KCTD21: variants seen among roughly 807,000 people sequenced by gnomAD.
KCTD21 encodes the protein BTB/POZ domain-containing protein KCTD21.
KCTD21 carries 9 observed loss-of-function variants against 13.2 expected under a neutral mutation model. The observed-to-expected ratio is 0.68, with a 90% CI of 0.41 to 1.19. The LOEUF (loss-of-function observed/expected upper bound fraction) is 1.19, where lower values mean the gene tolerates loss of function less well. Among genes scored for constraint, KCTD21 ranks in the 50% most tolerant of loss-of-function variants. The pLI, the probability that KCTD21 is intolerant of heterozygous loss-of-function variation, is 0.01. For missense variants in KCTD21, 303 were observed against 336.5 expected, an observed-to-expected ratio of 0.90 and a Z score of 0.78; for synonymous variants, 142 against 137.4, an observed-to-expected ratio of 1.03 and a Z score of -0.23.
rs764967968 is a variant in KCTD21, at chr11:78,174,326, T to A, written c.229A>T (p.Met77Leu). The change falls in exon 2 of 2, where the codon ATG becomes TTG. Residue 77 changes from methionine (M) to leucine (L), a missense_variant. Physicochemically the swap from Met to Leu is conservative, Grantham distance 15. Coordinates refer to ENST00000340067, the MANE Select transcript of KCTD21 (RefSeq NM_001029859.3). ...HLDLPEDFQE[M>L]GLLRREADFY... Reference sequence around the variant, plus strand: ...TCGGCCTCCCTGCGGAGCAGCCCCATCTCCTGGAAGTCCTCAGGCAGGTCA... The same window carrying A: ...TCGGCCTCCCTGCGGAGCAGCCCCAACTCCTGGAAGTCCTCAGGCAGGTCA... 1 of 1,613,910 alleles carries A rather than the reference T, an allele frequency of 6.2e-7. No individual in the cohort carries two copies. Among genetic ancestry groups the A allele is most frequent in the East Asian group, 2.2e-5 (1 of 44,872 alleles).
intron 1 of KCTD21, among the ~76,000 whole-genome samples, chr11:78,181,565 T>G (rs576506720): frequency 2.6e-5 from 4 of 152,310 alleles, no homozygotes; most frequent in African/African-American, 9.6e-5. Context: ...AATATTCTAT[T>G]AGGTTGGCAC....
rs182795465 is a variant in KCTD21 at position 78,171,869 on chromosome 11, G to A, written c.*1903C>T. ...GATCTTCCCGCCTCGGCCTCCCAGAGTGTTGGGATTACAGGCATGAGCCAC... is the reference window on the plus strand; with the variant it reads ...GATCTTCCCGCCTCGGCCTCCCAGAATGTTGGGATTACAGGCATGAGCCAC... On this transcript the variant is annotated 3_prime_UTR_variant, in exon 2 of 2. Coordinates refer to ENST00000340067, the MANE Select transcript of KCTD21 (RefSeq NM_001029859.3). 7 of 152,474 alleles carry A rather than the reference G, an allele frequency of 4.6e-5. No individual in the cohort carries two copies. In the East Asian group the frequency reaches 1.4e-3, roughly 29 times the overall value. 9.4% of individuals were successfully genotyped at this position (152,474 alleles called of 1,614,324 possible).
intron 1 of KCTD21, among the ~76,000 whole-genome samples, chr11:78,186,025 G>C (rs1862753178): frequency 6.6e-6 from 1 of 152,056 alleles, no homozygotes; most frequent in Admixed American, 6.5e-5. Context: ...GACTCACTGT[G>C]AATGTTGACA....
At chr11:78,183,642 T>TC (rs1360212799) in intron 1 of KCTD21, among the ~76,000 whole-genome samples, 1 of 150,802 alleles carries the variant, frequency 6.6e-6, no homozygotes, top group East Asian at 1.9e-4. Context: ...ATTAATTCTT[T>TC]TTTTTTTTTT....
In KCTD21 at chr11:78,173,781, C is replaced by T. The variant is rs1243534915; in HGVS notation, c.774G>A (p.Arg258=). The change falls in exon 2 of 2, where the codon CGG becomes CGA. Residue 258 remains arginine, a synonymous_variant. Transcript: ENST00000340067. ...TGTTGTTGGGGTCCTTTTACCTGTA[C>T]CGTATTAATCGAATAATCTTATTGT... is the stretch of plus-strand genomic sequence containing the variant. ...FMNNKIIRLI[R]YR is the part of the protein sequence containing the mutation. 6.2e-7 allele frequency: 1 copy of T among 1,610,764 alleles called. No individual in the cohort carries two copies. The highest frequency in any genetic ancestry group is 2.2e-5 in the East Asian group (1 of 44,828).
chr11:78,187,003 T>G (rs968855278), intron 1 of KCTD21: 2 of 985,328 alleles, frequency 2.0e-6, no homozygotes, highest in African/African-American at 1.7e-5. Context: ...TTTTCAAAAC[T>G]TTTTAATTTT....
Position 78,173,654 on chromosome 11 carries a change from A to G in KCTD21, c.*118T>C, listed in dbSNP as rs1042295887. 6.0e-6 allele frequency: 5 copies of G among 838,824 alleles called. No individual in the cohort carries two copies. Among genetic ancestry groups the G allele is most frequent in the South Asian group, 5.1e-5 (3 of 58,716 alleles). The allele number at this position is 838,824 out of a possible 1,614,324, so 52.0% of individuals were successfully genotyped here. A position where few individuals can be genotyped will look rare whatever the true frequency, so the allele number is the denominator to read the frequency against. Reference sequence around the variant, plus strand: ...ATCATGGGGGGAATCAAGTCCTGCTACACAATTAATACAGATTAGTATAGT... The same window carrying G: ...ATCATGGGGGGAATCAAGTCCTGCTGCACAATTAATACAGATTAGTATAGT... On this transcript the variant is annotated 3_prime_UTR_variant, in exon 2 of 2. Coordinates refer to ENST00000340067, the MANE Select transcript of KCTD21 (RefSeq NM_001029859.3).
At chr11:78,178,844 A>G (rs1488379802) in intron 1 of KCTD21, among the ~76,000 whole-genome samples, 1 of 152,164 alleles carries the variant, frequency 6.6e-6, no homozygotes, top group Non-Finnish European at 1.5e-5. Context: ...AACCAAGAGG[A>G]AAAACGCCAT....
intron 1 of KCTD21, among the ~76,000 whole-genome samples, chr11:78,181,185 G>C (rs1387105471): frequency 6.6e-6 from 1 of 152,180 alleles, no homozygotes; most frequent in Non-Finnish European, 1.5e-5. Flanking sequence ...ATTTATGCCG[G>C]AGAAATGGAG....
At chr11:78,175,052 G>A (rs1862407188) in intron 1 of KCTD21, 1 of 153,080 alleles carries the variant, frequency 6.5e-6, no homozygotes, top group African/African-American at 2.4e-5. Flanking sequence ...GCCAGGTGCG[G>A]TGGCTCACAC....
chr11:78,178,075 G>C (rs1365340100), intron 1 of KCTD21: 1 of 152,162 alleles, frequency 6.6e-6, no homozygotes, highest in Non-Finnish European at 1.5e-5. Flanking sequence ...TGCTCTCTGT[G>C]GTGATCTCCC....
rs748364410 is a variant in KCTD21, at chr11:78,172,383, C to G, written c.*1389G>C. The G allele has an allele frequency of 6.6e-6, 1 of 152,186 alleles. No homozygotes were observed. The highest frequency in any genetic ancestry group is 2.4e-5 in the African/African-American group (1 of 41,420). The allele number at this position is 152,186 out of a possible 1,614,324, so 9.4% of individuals were successfully genotyped here. ...CTTGCTGCACAGCACCCTTGGAGAC[C>G]GTCTCTTTCCTCTGGATCTCCTCAG... On this transcript the variant is annotated 3_prime_UTR_variant, in exon 2 of 2. Coordinates refer to ENST00000340067, the MANE Select transcript of KCTD21 (RefSeq NM_001029859.3).
chr11:78,178,884 G>A (rs939794855), intron 1 of KCTD21, among the ~76,000 whole-genome samples: 2 of 152,250 alleles, frequency 1.3e-5, no homozygotes, highest in South Asian at 2.1e-4. Context: ...AGGATCAAAC[G>A]CTCCTCTTTG....
chr11:78,180,917 T>G (rs1018189017), intron 1 of KCTD21, among the ~76,000 whole-genome samples: 1 of 151,902 alleles, frequency 6.6e-6, no homozygotes, highest in African/African-American at 2.4e-5. Context: ...TCTTAAGAGA[T>G]CTGATGGTTT....
intron 1 of KCTD21, among the ~76,000 whole-genome samples, chr11:78,177,522 A>G (rs1342687590): frequency 1.3e-5 from 2 of 152,184 alleles, no homozygotes; most frequent in African/African-American, 4.8e-5. Flanking sequence ...TTCTCTCTCC[A>G]GAGGGCCCAG....
At chr11:78,179,123 T>C (rs574325989) in intron 1 of KCTD21, among the ~76,000 whole-genome samples, 5 of 152,170 alleles carry the variant, frequency 3.3e-5, no homozygotes, top group Non-Finnish European at 7.4e-5. Flanking sequence ...ACTCCCACCC[T>C]GAGGAGTGCT....
In KCTD21 at chr11:78,173,903, T is replaced by C; in HGVS notation, c.652A>G (p.Asn218Asp). The change falls in exon 2 of 2, where the codon AAC becomes GAC. Residue 218 changes from asparagine (N) to aspartate (D), a missense_variant. Coordinates refer to ENST00000340067, the MANE Select transcript of KCTD21 (RefSeq NM_001029859.3). ...TCTTCCACGAAGACCTGGAAGCTGT[T>C]GATCTGCTTGTTGGCGGGCACCACC... is the stretch of plus-strand genomic sequence containing the variant. ...LWVVPANKQI[N>D]SFQVFVEEVL... 4.3e-6 allele frequency: 7 copies of C among 1,614,184 alleles called. No homozygotes were observed. The highest frequency in any genetic ancestry group is 5.9e-6 in the Non-Finnish European group (7 of 1,180,038).
rs1258859948 is a variant in KCTD21 at position 78,174,556 on chromosome 11, G to A, written c.-2C>T. On this transcript the variant is annotated 5_prime_UTR_variant, in exon 2 of 2. Transcript: ENST00000340067. ...GTTCAGCGTGATGGGGTCGGACATG[G>A]CAGGAGACTGGGTTGCTGGAAGTAG... The A allele has an allele frequency of 6.2e-7, 1 of 1,606,690 alleles. No individual in the cohort carries two copies. Among genetic ancestry groups the A allele is most frequent in the Non-Finnish European group, 8.5e-7 (1 of 1,175,966 alleles).
chr11:78,181,731 A>T (rs1862626584), intron 1 of KCTD21, among the ~76,000 whole-genome samples: 1 of 152,114 alleles, frequency 6.6e-6, no homozygotes, highest in Non-Finnish European at 1.5e-5. Flanking sequence ...GGGTCACTTG[A>T]GCCCAGGAGT....
Sources: allele counts gnomAD v4.1 joint callset (sites outside exome capture counted in the v4.1 genomes callset), GRCh38; gene constraint gnomAD v4.1.1; transcripts MANE v1.5; gene names NCBI Gene and HGNC (gene_info 2026-07-23, HGNC 2026-07-21).